The following RAB11FIP4 variants were observed in gnomAD, a reference collection of about 807,000 sequenced individuals.
RAB11FIP4 encodes the protein RAB11 family interacting protein 4.
Under a neutral mutation model 74.3 loss-of-function variants are expected in RAB11FIP4, and 23 were observed. The observed-to-expected ratio is 0.31, with a 90% confidence interval of 0.22 to 0.44. RAB11FIP4 has a LOEUF of 0.44. Ranked by LOEUF, RAB11FIP4 falls within the 20% of genes least tolerant of loss-of-function variation. RAB11FIP4 has a pLI of 1.00. For missense variants in RAB11FIP4, 630 were observed against 863.9 expected, an observed-to-expected ratio of 0.73 and a Z score of 3.39; for synonymous variants, 360 against 359.9, an observed-to-expected ratio of 1.00 and a Z score of 0.00.
chr17:31,416,302 C>A (rs1280558074), intron 1 of RAB11FIP4, among the ~76,000 whole-genome samples: 1 of 152,196 alleles, frequency 6.6e-6, no homozygotes, highest in Admixed American at 6.5e-5. Flanking sequence ...CTGACTGATT[C>A]CGTGGGACAG....
chr17:31,475,111 G>A (rs574202130), intron 3 of RAB11FIP4, among the ~76,000 whole-genome samples: 2 of 152,198 alleles, frequency 1.3e-5, no homozygotes, highest in East Asian at 1.9e-4. Flanking sequence ...AGGGGATGGG[G>A]TCCAGGGCCC....
At chr17:31,504,148 T>TTG (rs1283286649) in intron 3 of RAB11FIP4, among the ~76,000 whole-genome samples, 1 of 147,668 alleles carries the variant, frequency 6.8e-6, no homozygotes, top group African/African-American at 2.7e-5. Context: ...TTTTTTTTTT[T>TTG]GAGACATTGT....
chr17:31,475,247 G>A (rs1038590858), intron 3 of RAB11FIP4, among the ~76,000 whole-genome samples: 2 of 152,132 alleles, frequency 1.3e-5, no homozygotes, highest in African/African-American at 4.8e-5. Flanking sequence ...CTGTGAGTGA[G>A]TGGTGGGAAG....
At chr17:31,433,938 C>T in intron 2 of RAB11FIP4, 96 bp from the exon 3 acceptor site, 3 of 1,242,008 alleles carry the variant, frequency 2.4e-6, no homozygotes, top group Non-Finnish European at 3.4e-6. Flanking sequence ...CCCACCTCAG[C>T]CCTTCCCACC....
intron 3 of RAB11FIP4, among the ~76,000 whole-genome samples, chr17:31,447,166 C>T (rs1335658250): frequency 5.9e-5 from 9 of 152,208 alleles, no homozygotes; most frequent in South Asian, 2.1e-4. Context: ...CGCCTGTAGT[C>T]CCAGCTACTC....
chr17:31,441,136 T>G (rs765913991), intron 3 of RAB11FIP4, among the ~76,000 whole-genome samples: 2 of 152,024 alleles, frequency 1.3e-5, no homozygotes, highest in Non-Finnish European at 2.9e-5. Flanking sequence ...GCGATTCCCC[T>G]GCCTCAGCCT....
At chr17:31,507,902 T>C (rs1246907192) in intron 3 of RAB11FIP4, among the ~76,000 whole-genome samples, 2 of 152,184 alleles carry the variant, frequency 1.3e-5, no homozygotes, top group African/African-American at 2.4e-5. Flanking sequence ...AGTGGCACCA[T>C]CACAGCCTCG....
chr17:31,516,711 G>A (rs1303326489), intron 3 of RAB11FIP4, among the ~76,000 whole-genome samples: 3 of 152,306 alleles, frequency 2.0e-5, no homozygotes, highest in African/African-American at 7.2e-5. Context: ...CTCGTGATCT[G>A]CCCGCCTTGG....
At chr17:31,408,876 G>A (rs1307291741) in intron 1 of RAB11FIP4, among the ~76,000 whole-genome samples, 1 of 152,184 alleles carries the variant, frequency 6.6e-6, no homozygotes, top group East Asian at 1.9e-4. Flanking sequence ...GCTGGTGTTG[G>A]CACAAGAGGT....
Position 31,517,869 on chromosome 17 carries a change from A to G in RAB11FIP4, c.555A>G (p.Pro185=). The change falls in exon 4 of 15, where the codon CCA becomes CCG. Residue 185 remains proline (P), a synonymous_variant. Coordinates refer to ENST00000621161, the MANE Select transcript of RAB11FIP4 (RefSeq NM_032932.6). The stretch of plus-strand genomic sequence containing the variant: ...GGGGACTTGGGGGCCTGTTTCTGCC[A>G]GAAGACAAGTGAGTTAAAACCACCT... ...KDGGLGGLFL[P]EDKSLVHTPS... is the part of the protein sequence containing the mutation. 1 of 1,551,504 alleles carries G rather than the reference A, an allele frequency of 6.4e-7. No homozygotes were observed. Among genetic ancestry groups the G allele is most frequent in the Non-Finnish European group, 8.7e-7 (1 of 1,146,926 alleles).
At chr17:31,494,277 TC>T (rs2072071287) in intron 3 of RAB11FIP4, among the ~76,000 whole-genome samples, 1 of 147,202 alleles carries the variant, frequency 6.8e-6, no homozygotes. Flanking sequence ...TGCCTCAGCT[TC>T]CCCACCTGTA....
At chr17:31,522,678 C>G in intron 7 of RAB11FIP4, 1 of 514,470 alleles carries the variant, frequency 1.9e-6, no homozygotes, top group South Asian at 2.7e-5. Flanking sequence ...AGACAGAGCA[C>G]CCCACAGCGT....
intron 3 of RAB11FIP4, among the ~76,000 whole-genome samples, chr17:31,470,809 C>G (rs917474909): frequency 6.6e-6 from 1 of 152,168 alleles, no homozygotes; most frequent in Non-Finnish European, 1.5e-5. Flanking sequence ...TAATGACCGT[C>G]CCCTATAAAC....
chr17:31,452,444 C>T (rs949538946), intron 3 of RAB11FIP4, among the ~76,000 whole-genome samples: 6 of 152,140 alleles, frequency 3.9e-5, no homozygotes, highest in Admixed American at 6.5e-5. Flanking sequence ...CTCTGAGACT[C>T]TGCAGCTGGG....
rs1322096403 is a variant in RAB11FIP4 at position 31,488,252 on chromosome 17, CCG to C, written c.337-29397_337-29396del. 3 of 1,167,336 alleles carry C rather than the reference CCG, an allele frequency of 2.6e-6. No individual in the cohort carries two copies. The African/African-American group carries it at 4.9e-5, about 19-fold the overall frequency. The allele number at this position is 1,167,336 out of a possible 1,614,324, so 72.3% of individuals were successfully genotyped here. ...GGGGAGCGGCCCGCGGATGCGCACC[CCG>C]CCAGCTCTCGGGAGCCAGGTAAGCG... On this transcript the variant is annotated intron_variant, in intron 3 of 14. Transcript: ENST00000621161.
intron 1 of RAB11FIP4, among the ~76,000 whole-genome samples, chr17:31,427,559 C>T (rs1202130541): frequency 6.6e-6 from 1 of 152,228 alleles, no homozygotes; most frequent in Non-Finnish European, 1.5e-5. Flanking sequence ...GAATCCAAAT[C>T]CCTGCACTCC....
intron 1 of RAB11FIP4, among the ~76,000 whole-genome samples, chr17:31,415,510 C>A (rs1281751417): frequency 6.6e-6 from 1 of 152,204 alleles, no homozygotes; most frequent in Non-Finnish European, 1.5e-5. Flanking sequence ...CCGTCTGCTT[C>A]TCCACTCTGG....
At chr17:31,484,071 C>CTTTTT (rs530656307) in intron 3 of RAB11FIP4, among the ~76,000 whole-genome samples, 5 of 115,854 alleles carry the variant, frequency 4.3e-5, no homozygotes, top group African/African-American at 1.0e-4. Context: ...AAGATCTTAT[C>CTTTTT]TTTTTTTTTT....
At chr17:31,427,447 AC>A (rs1234838775) in intron 1 of RAB11FIP4, among the ~76,000 whole-genome samples, 1 of 150,908 alleles carries the variant, frequency 6.6e-6, no homozygotes, top group African/African-American at 2.4e-5. Flanking sequence ...AAACAACCCC[AC>A]CCCCACCTCT....
Sources: allele counts gnomAD v4.1 joint callset (sites outside exome capture counted in the v4.1 genomes callset), GRCh38; gene constraint gnomAD v4.1.1; transcripts MANE v1.5; gene names NCBI Gene and HGNC (gene_info 2026-07-23, HGNC 2026-07-21).